The following C2orf76 variants were observed in gnomAD, a reference collection of about 807,000 sequenced individuals.
The protein encoded by C2orf76 is UPF0538 protein C2orf76.
In C2orf76, 23 loss-of-function variants were observed where a neutral mutation model predicts 16.9. The ratio of observed to expected loss-of-function variants is 1.36; its 90% CI spans 0.98 to 1.93. C2orf76 has a LOEUF of 1.93. Among genes scored for constraint, C2orf76 ranks in the 30% most tolerant of loss-of-function variants. The pLI, the probability that C2orf76 is intolerant of heterozygous loss-of-function variation, is 0.00. For missense variants in C2orf76, 152 were observed against 152.6 expected (o/e 1.00, Z 0.02); for synonymous variants, 48 against 52.3 (o/e 0.92, Z 0.35).
At chr2:119,312,796 G>A (rs555515891) in intron 4 of C2orf76, among the ~76,000 whole-genome samples, 2 of 152,092 alleles carry the variant, frequency 1.3e-5, no homozygotes, top group African/African-American at 2.4e-5. Context: ...GGCAGGCCGA[G>A]GCAGGCAGAT....
intron 1 of C2orf76, among the ~76,000 whole-genome samples, chr2:119,341,468 T>C (rs1179642726): frequency 1.3e-5 from 2 of 152,246 alleles, no homozygotes; most frequent in African/African-American, 2.4e-5. Flanking sequence ...GCTGAAGTAC[T>C]GTGCCCACAG....
chr2:119,357,477 G>A (rs1273986712), intron 1 of C2orf76, among the ~76,000 whole-genome samples: 1 of 151,178 alleles, frequency 6.6e-6, no homozygotes, highest in Non-Finnish European at 1.5e-5. Flanking sequence ...AAGTGATACA[G>A]AAAAGGCACC....
intron 2 of C2orf76, among the ~76,000 whole-genome samples, chr2:119,321,944 A>C (rs1372067264): frequency 6.6e-6 from 1 of 152,054 alleles, no homozygotes; most frequent in African/African-American, 2.4e-5. Context: ...CCAATGATCT[A>C]GAACAATCTT....
chr2:119,287,668 G>GT, the C2orf76 span, among the ~76,000 whole-genome samples: 3 of 151,938 alleles, frequency 2.0e-5, no homozygotes, highest in African/African-American at 4.8e-5. Flanking sequence ...GATTCCTTGA[G>GT]TTTTTTTTCA....
At chr2:119,294,567 G>T in the C2orf76 span, among the ~76,000 whole-genome samples, 4 of 152,128 alleles carry the variant, frequency 2.6e-5, no homozygotes, top group Admixed American at 2.0e-4. Flanking sequence ...CTACTCGCTC[G>T]CCCACCCACA....
chr2:119,332,283 GA>G (rs35476748), intron 2 of C2orf76, among the ~76,000 whole-genome samples: 10 of 149,672 alleles, frequency 6.7e-5, no homozygotes, highest in Admixed American at 4.0e-4. Flanking sequence ...ACACCTAAAG[GA>G]AAAAAAAAAT....
In C2orf76 at chr2:119,302,345, C is replaced by A. The variant is rs8600; in HGVS notation, c.*127G>T. 91,115 of 449,414 alleles carry A rather than the reference C, an allele frequency of 0.2. 10,407 individuals are homozygous for A. The highest frequency in any genetic ancestry group is 0.32 in the Middle Eastern group (766 of 2,424). The allele number at this position is 449,414 out of a possible 1,614,324, so 27.8% of individuals were successfully genotyped here. On this transcript the variant is annotated 3_prime_UTR_variant, in exon 6 of 6. Transcript: ENST00000334816. ...GAAAGACCTGAAGAGAAAGAAATAA[C>A]CAGATTTTAGCTCAAAGAGTATAGC...
intron 5 of C2orf76, among the ~76,000 whole-genome samples, chr2:119,308,649 A>G (rs190944369): frequency 5.6e-4 from 85 of 152,324 alleles, no homozygotes; most frequent in African/African-American, 1.9e-3. Context: ...CTCAAAACAA[A>G]AACAAAAACA....
the C2orf76 span, among the ~76,000 whole-genome samples, chr2:119,292,838 C>A: frequency 3.9e-5 from 6 of 152,106 alleles, no homozygotes; most frequent in Non-Finnish European, 8.8e-5. Context: ...AGTTTGAGAC[C>A]AGCCTGGCCA....
chr2:119,356,126 G>C (rs982024947), intron 1 of C2orf76, among the ~76,000 whole-genome samples: 1 of 152,196 alleles, frequency 6.6e-6, no homozygotes, highest in African/African-American at 2.4e-5. Context: ...ACAAAGGCCA[G>C]GTTCGGTGGC....
At chr2:119,299,667 C>T (rs1159651188), downstream of C2orf76, among the ~76,000 whole-genome samples, 1 of 151,792 alleles carries the variant, frequency 6.6e-6, no homozygotes, top group Non-Finnish European at 1.5e-5. Flanking sequence ...GATTTTTTTT[C>T]TGTATTTATA....
intron 2 of C2orf76, among the ~76,000 whole-genome samples, chr2:119,331,792 C>T (rs1274127518): frequency 6.6e-6 from 1 of 152,058 alleles, no homozygotes; most frequent in Non-Finnish European, 1.5e-5. Context: ...AGCCTGGTAC[C>T]CTGGTCCCAC....
chr2:119,334,057 T>C (rs1679760293), intron 2 of C2orf76, among the ~76,000 whole-genome samples: 1 of 151,996 alleles, frequency 6.6e-6, no homozygotes, highest in African/African-American at 2.4e-5. Context: ...CCTTCCAAAG[T>C]GTTGGGATTA....
Position 119,346,522 on chromosome 2 carries a change from GA to G in C2orf76, c.-12-6552del, listed in dbSNP as rs1440106299. Among the ~76,000 whole-genome samples the G allele has an allele frequency of 2.6e-5, 4 of 152,146 alleles. No homozygotes were observed. The East Asian group carries it at 7.7e-4, about 29-fold the overall frequency. ...GAATCTCAAGGGAATCAAGCTGAATGAAAAAAGGCAGTCTCAAAAGCTTGCA... is the reference window on the plus strand; with the variant it reads ...GAATCTCAAGGGAATCAAGCTGAATGAAAAAGGCAGTCTCAAAAGCTTGCA... On this transcript the variant is annotated intron_variant, in intron 1 of 5. Transcript: ENST00000334816.
chr2:119,313,810 A>G (rs1211508578), intron 4 of C2orf76, among the ~76,000 whole-genome samples: 1 of 151,882 alleles, frequency 6.6e-6, no homozygotes, highest in Non-Finnish European at 1.5e-5. Context: ...CCAATCTGAC[A>G]GGTGTGGATT....
At chr2:119,331,951 C>A (rs1367193954) in intron 2 of C2orf76, among the ~76,000 whole-genome samples, 3 of 151,916 alleles carry the variant, frequency 2.0e-5, no homozygotes, top group Non-Finnish European at 2.9e-5. Flanking sequence ...TTTAATATTT[C>A]ATTAATAGAA....
the C2orf76 span, among the ~76,000 whole-genome samples, chr2:119,286,380 T>A: frequency 6.6e-6 from 1 of 152,050 alleles, no homozygotes; most frequent in Non-Finnish European, 1.5e-5. Context: ...AAGGACAAGA[T>A]GGTCCTTGGT....
In C2orf76 at chr2:119,302,551, GA is replaced by G. The variant is rs551303723; in HGVS notation, c.305-4del. The G allele has an allele frequency of 4.5e-4, 665 of 1,473,482 alleles. 10 individuals are homozygous for G. In the South Asian group the frequency reaches 7.1e-3, roughly 16 times the overall value. 91.3% of individuals were successfully genotyped at this position (1,473,482 alleles called of 1,614,324 possible). ...GAATGCAATTTCAGTTTCACTGGCT[GA>G]AAAAAAACAGAAAATGGAAAAAAAG... On this transcript the variant is annotated splice_polypyrimidine_tract_variant and splice_region_variant and intron_variant, in intron 5 of 5. Coordinates refer to ENST00000334816, the MANE Select transcript of C2orf76 (RefSeq NM_001322331.2).
chr2:119,298,459 T>C (rs984598390), downstream of C2orf76, among the ~76,000 whole-genome samples: 1 of 152,090 alleles, frequency 6.6e-6, no homozygotes, highest in Non-Finnish European at 1.5e-5. Flanking sequence ...TTCTGTATCA[T>C]TACCAACTTG....
Sources: allele counts gnomAD v4.1 joint callset (sites outside exome capture counted in the v4.1 genomes callset), GRCh38; gene constraint gnomAD v4.1.1; transcripts MANE v1.5; gene names NCBI Gene and HGNC (gene_info 2026-07-23, HGNC 2026-07-21).